PAPLN: variants seen among roughly 807,000 people sequenced by gnomAD.
PAPLN encodes the protein papilin.
Under a neutral mutation model 159.0 loss-of-function variants are expected in PAPLN, and 146 were observed. The ratio of observed to expected loss-of-function variants is 0.92; its 90% CI spans 0.80 to 1.05. PAPLN has a LOEUF of 1.05. PAPLN is among the 50% of genes least tolerant of loss of function. PAPLN has a pLI of 0.00. For missense variants in PAPLN, 1,720 were observed against 1,743.9 expected, an observed-to-expected ratio of 0.99 and a Z score of 0.24; for synonymous variants, 734 against 702.9, an observed-to-expected ratio of 1.04 and a Z score of -0.70.
rs567798156 is a variant in PAPLN, at chr14:73,265,091, A to C, written c.3126-279A>C. ...GCCCAACTCAAAGACCTAGTGGCAA[A>C]TGTGCAGGGTGGGGGGTGACAGATG... On this transcript the variant is annotated intron_variant, in intron 22 of 26. Transcript: ENST00000644200. The surrounding 1 kb of genome is among the most constrained non-coding windows in gnomAD (Gnocchi z 4.1). Among the ~76,000 whole-genome samples, 10 of 149,808 alleles carry C rather than the reference A, an allele frequency of 6.7e-5. No homozygotes were observed. The highest frequency in any genetic ancestry group is 1.0e-4 in the Non-Finnish European group (7 of 67,616).
At chr14:73,248,796 C>T (rs1050461101) in intron 5 of PAPLN, among the ~76,000 whole-genome samples, 3 of 151,390 alleles carry the variant, frequency 2.0e-5, no homozygotes, top group African/African-American at 4.9e-5. Context: ...CACTCCAGCC[C>T]GGACGACAGA....
rs1337844518 is a variant in PAPLN at position 73,251,021 on chromosome 14, C to T, written c.580C>T (p.Leu194Phe). 8.7e-6 allele frequency: 14 copies of T among 1,611,730 alleles called. No homozygotes were observed. The highest frequency in any genetic ancestry group is 1.0e-5 in the Non-Finnish European group (12 of 1,179,050). The stretch of plus-strand genomic sequence containing the variant: ...CGCAGGCACCTTTGACGCTAATGAC[C>T]TCAGCCGAGGTGGGGGTGGTTCCGA... ...PVAGTFDAND[L>F]SRGYNQILIV... The change falls in exon 7 of 27, where the codon CTC (leucine) becomes TTC (phenylalanine). Residue 194 changes from leucine (L) to phenylalanine (F), a missense_variant. Coordinates refer to ENST00000644200, the MANE Select transcript of PAPLN (RefSeq NM_001365906.3).
chr14:73,262,201 C>A, intron 18 of PAPLN, 149 bp from the exon 19 acceptor site: 1 of 809,546 alleles, frequency 1.2e-6, no homozygotes, highest in East Asian at 2.5e-5. Flanking sequence ...ATCCTGGATC[C>A]CAGGGCCAGG....
chr14:73,270,893 C>T (rs1594839999), intron 26 of PAPLN, among the ~76,000 whole-genome samples: 1 of 152,110 alleles, frequency 6.6e-6, no homozygotes, highest in African/African-American at 2.4e-5. Flanking sequence ...CCCTGCCCTA[C>T]TCATGGTTGG....
intron 11 of PAPLN, among the ~76,000 whole-genome samples, chr14:73,252,990 A>C (rs1885472244): frequency 6.6e-6 from 1 of 152,164 alleles, no homozygotes; most frequent in African/African-American, 2.4e-5. Flanking sequence ...TCCTGTGACC[A>C]CGAAGTACTC....
At chr14:73,238,226 C>G (rs1232202952) in intron 1 of PAPLN, among the ~76,000 whole-genome samples, 1 of 152,240 alleles carries the variant, frequency 6.6e-6, no homozygotes, top group South Asian at 2.1e-4. Context: ...CCTTCCCGCC[C>G]TCTGGCGCCT....
At chr14:73,253,217 G>A (rs1468012965) in intron 11 of PAPLN, 4 of 1,359,254 alleles carry the variant, frequency 2.9e-6, no homozygotes, top group South Asian at 2.3e-5. Context: ...CAGCGAGTGT[G>A]TGGGAACAGG....
At chr14:73,244,238 C>T (rs74828683) in intron 2 of PAPLN, 4,404 of 164,636 alleles carry the variant, frequency 0.027, 210 homozygotes, top group African/African-American at 0.096. Flanking sequence ...CTGGGAGTCT[C>T]GGCCAGATTA....
At position 73,273,044 on chromosome 14, in the gene PAPLN, C is replaced by T. The variant is rs150217236; in HGVS notation, c.*380C>T. On this transcript the variant is annotated 3_prime_UTR_variant, in exon 27 of 27. Coordinates refer to ENST00000644200, the MANE Select transcript of PAPLN (RefSeq NM_001365906.3). ...TTGCCCAGGCTGGAGGGCAATGGCG[C>T]GATCTCAGCTCACTGCAACCTCCGT... The T allele has an allele frequency of 8.7e-3, 1,376 of 157,630 alleles. 22 individuals carry two copies. The highest frequency in any genetic ancestry group is 0.032 in the African/African-American group (1,320 of 41,704). The allele number at this position is 157,630 out of a possible 1,614,324, so 9.8% of individuals were successfully genotyped here.
At position 73,268,702 on chromosome 14, in the gene PAPLN, G is replaced by A. The variant is rs1887446030; in HGVS notation, c.3646G>A (p.Glu1216Lys). 6.2e-6 allele frequency: 10 copies of A among 1,612,598 alleles called. No individual in the cohort carries two copies. Among genetic ancestry groups the A allele is most frequent in the Middle Eastern group, 1.7e-4 (1 of 6,058 alleles). Residue 1216 changes from glutamate to lysine, a missense_variant, in exon 26 of 27, where the codon GAG (glutamate) becomes AAG (lysine). Transcript: ENST00000644200. Reference protein sequence around the residue: ...QGSQAVSRSTEVKVVSPAPTA... With the variant: ...QGSQAVSRSTKVKVVSPAPTA... The stretch of plus-strand genomic sequence containing the variant: ...GAGCCAGGCAGTCAGCCGCAGCACC[G>A]AGGTGAAGGTGGTCTCACCAGGTAG...
At chr14:73,252,530 G>A (rs1382991111) in intron 10 of PAPLN, 119 bp from the exon 11 acceptor site, 4 of 1,336,168 alleles carry the variant, frequency 3.0e-6, no homozygotes, top group African/African-American at 1.5e-5. Context: ...CCTCGGGGGG[G>A]TCATCTAAGA....
intron 11 of PAPLN, 89 bp from the exon 12 acceptor site, chr14:73,253,665 C>T: frequency 7.7e-7 from 1 of 1,296,078 alleles, no homozygotes; most frequent in Non-Finnish European, 1.1e-6. Context: ...GGTCCTCAGG[C>T]CACCTGTGTG....
chr14:73,267,718 T>C (rs1257238697), intron 25 of PAPLN, among the ~76,000 whole-genome samples: 2 of 152,108 alleles, frequency 1.3e-5, no homozygotes, highest in Non-Finnish European at 2.9e-5. Context: ...TGGGAGCCGC[T>C]AGAGGTGTCC....
rs57834403 is a variant in PAPLN, at chr14:73,271,503, AT to A, written c.3668-976del. Among the ~76,000 whole-genome samples, 1,179 of 143,472 alleles carry A rather than the reference AT, an allele frequency of 8.2e-3. 8 individuals are homozygous for A. The highest frequency in any genetic ancestry group is 0.018 in the African/African-American group (690 of 39,370). The allele number at this position is 143,472 out of a possible 152,430, so 94.1% of individuals were successfully genotyped here. A position where few individuals can be genotyped will look rare whatever the true frequency, so the allele number is the denominator to read the frequency against. On this transcript the variant is annotated intron_variant, in intron 26 of 26. Coordinates refer to ENST00000644200, the MANE Select transcript of PAPLN (RefSeq NM_001365906.3). Reference sequence around the variant, plus strand: ...AAGAGAGATGAAGCAGTAGAATGAAATTTTTTTTTTTTTTTTAAGACAGAAT... The same window carrying A: ...AAGAGAGATGAAGCAGTAGAATGAAATTTTTTTTTTTTTTTAAGACAGAAT...
intron 1 of PAPLN, among the ~76,000 whole-genome samples, chr14:73,238,652 G>A (rs1446397719): frequency 6.6e-6 from 1 of 152,206 alleles, no homozygotes; most frequent in African/African-American, 2.4e-5. Context: ...GCAGAGGCAG[G>A]GCTCTGGCAG....
chr14:73,248,005 TG>T, intron 5 of PAPLN, among the ~76,000 whole-genome samples: 2 of 103,500 alleles, frequency 1.9e-5, no homozygotes, highest in African/African-American at 4.4e-5. Context: ...TGTGTGTGTG[TG>T]TGTGTGTGTG....
intron 6 of PAPLN, among the ~76,000 whole-genome samples, chr14:73,250,488 G>A (rs1180794734): frequency 1.3e-5 from 2 of 152,154 alleles, no homozygotes; most frequent in Non-Finnish European, 2.9e-5. Flanking sequence ...AGGTGTGGAG[G>A]TGGCCGCCAG....
intron 20 of PAPLN, 151 bp from the exon 21 acceptor site, chr14:73,264,059 CT>C: frequency 1.3e-6 from 2 of 1,496,170 alleles, no homozygotes; most frequent in Non-Finnish European, 9.0e-7. Context: ...GTGTGACAGC[CT>C]CCCCTGAAGC....
intron 26 of PAPLN, among the ~76,000 whole-genome samples, chr14:73,269,620 G>T (rs1454070638): frequency 6.6e-6 from 1 of 152,210 alleles, no homozygotes; most frequent in Non-Finnish European, 1.5e-5. Flanking sequence ...AGGAGGGAAA[G>T]GGGGACAGGG....
Sources: allele counts gnomAD v4.1 joint callset (sites outside exome capture counted in the v4.1 genomes callset), GRCh38; gene constraint gnomAD v4.1.1; non-coding constraint Gnocchi (gnomAD v3.1); transcripts MANE v1.5; gene names NCBI Gene and HGNC (gene_info 2026-07-23, HGNC 2026-07-21).